The following PIEZO2 variants were observed in gnomAD, a reference collection of about 807,000 sequenced individuals.
PIEZO2 encodes piezo-type mechanosensitive ion channel component 2.
In PIEZO2, 172 loss-of-function variants were observed where a neutral mutation model predicts 337.3. That is an observed-to-expected ratio of 0.51 (90% confidence interval 0.45 to 0.58). The LOEUF (loss-of-function observed/expected upper bound fraction) is 0.58. Ranked by LOEUF, PIEZO2 falls within the 20% of genes least tolerant of loss-of-function variation. PIEZO2 has a pLI of 0.00. For missense variants in PIEZO2, 3,028 were observed against 3,391.3 expected (o/e 0.89, Z 2.66); for synonymous variants, 1,251 against 1,228.5 (o/e 1.02, Z -0.38).
chr18:10,883,816 C>CTTTTTTTTTTTTTTTTT (rs71169957), intron 4 of PIEZO2, among the ~76,000 whole-genome samples: 14 of 122,824 alleles, frequency 1.1e-4, no homozygotes, highest in African/African-American at 3.4e-4. Flanking sequence ...AGTCCTACTT[C>CTTTTTTTTTTTTTTTTT]TTTTTTTTTT....
At chr18:10,738,292 C>G (rs909471034) in intron 33 of PIEZO2, 1 of 152,088 alleles carries the variant, frequency 6.6e-6, no homozygotes, top group Non-Finnish European at 1.5e-5. Context: ...ATTATAAGAT[C>G]GAGAATTTTA....
chr18:10,798,286 GT>G (rs1445547000), intron 11 of PIEZO2, among the ~76,000 whole-genome samples: 1 of 152,216 alleles, frequency 6.6e-6, no homozygotes, highest in Non-Finnish European at 1.5e-5. Context: ...TGCCTTTCTT[GT>G]TCAAATCAAA....
intron 12 of PIEZO2, among the ~76,000 whole-genome samples, chr18:10,796,242 C>T (rs987692711): frequency 1.6e-4 from 25 of 151,788 alleles, no homozygotes; most frequent in Middle Eastern, 3.4e-3. Flanking sequence ...TGGTGGCAGG[C>T]GCCTGTAGTC....
intron 36 of PIEZO2, among the ~76,000 whole-genome samples, chr18:10,722,424 G>T (rs761560679): frequency 6.6e-6 from 1 of 151,778 alleles, no homozygotes; most frequent in East Asian, 1.9e-4. Context: ...TAGAGACAGG[G>T]TTTCACCATA....
intron 18 of PIEZO2, among the ~76,000 whole-genome samples, chr18:10,778,241 T>C (rs2038856232): frequency 6.6e-6 from 1 of 152,094 alleles, no homozygotes; most frequent in Non-Finnish European, 1.5e-5. Context: ...TCAGCCCTAC[T>C]CAACACTGCA....
chr18:10,805,500 G>C (rs1194835634), intron 8 of PIEZO2, among the ~76,000 whole-genome samples: 3 of 152,150 alleles, frequency 2.0e-5, no homozygotes, highest in Non-Finnish European at 4.4e-5. Flanking sequence ...TGGGCAACAA[G>C]AGTGAAACTC....
chr18:10,966,326 C>T (rs1362421137), intron 3 of PIEZO2, among the ~76,000 whole-genome samples: 6 of 152,184 alleles, frequency 3.9e-5, no homozygotes, highest in Non-Finnish European at 5.9e-5. Flanking sequence ...GCTACATCAT[C>T]GCCACCCTAG....
intron 12 of PIEZO2, among the ~76,000 whole-genome samples, chr18:10,796,213 A>AAAAAAT (rs1568067734): frequency 1.5e-4 from 22 of 151,658 alleles, no homozygotes; most frequent in Admixed American, 6.6e-5. Context: ...AAATAAAAAA[A>AAAAAAT]AAAAAAATTA....
At chr18:10,719,670 G>A (rs1423510283) in intron 36 of PIEZO2, among the ~76,000 whole-genome samples, 5 of 152,072 alleles carry the variant, frequency 3.3e-5, no homozygotes, top group Non-Finnish European at 7.4e-5. Flanking sequence ...TGTGAGTGCA[G>A]GTACCTTTTT....
chr18:10,886,147 A>T (rs1598629759), intron 4 of PIEZO2, among the ~76,000 whole-genome samples: 1 of 150,550 alleles, frequency 6.6e-6, no homozygotes, highest in East Asian at 2.0e-4. Context: ...GTCCATATTC[A>T]GGAAGTGTGT....
chr18:10,780,791 T>G (rs936043240), intron 17 of PIEZO2, among the ~76,000 whole-genome samples: 4 of 151,022 alleles, frequency 2.6e-5, no homozygotes, highest in Non-Finnish European at 5.9e-5. Flanking sequence ...GCCTCCCAAG[T>G]GGCTGGGATT....
chr18:11,096,861 T>C lies in PIEZO2; in HGVS notation c.65-30639A>G, dbSNP rs149788172. Among the ~76,000 whole-genome samples the C allele has an allele frequency of 1.0e-3, 158 of 151,868 alleles. No individual in the cohort carries two copies. Among genetic ancestry groups the C allele is most frequent in the African/African-American group, 3.7e-3 (153 of 41,354 alleles). On this transcript the variant is annotated intron_variant, in intron 1 of 55. Transcript: ENST00000674853. The surrounding 1 kb of genome is among the most constrained non-coding windows in gnomAD (Gnocchi z 4.6). ...GGGAACAACATGGACTTCAGGGGGG[T>C]GGTACCACAGTGGCAGAGAATCACC...
chr18:10,691,148 T>C (rs1396291142), intron 48 of PIEZO2, 77 bp downstream of exon 48: 7 of 1,491,890 alleles, frequency 4.7e-6, no homozygotes, highest in Non-Finnish European at 6.4e-6. Flanking sequence ...CCCCCTTACT[T>C]CCCAGTTGGG....
chr18:10,860,285 C>T (rs1357739543), intron 5 of PIEZO2, among the ~76,000 whole-genome samples: 1 of 152,174 alleles, frequency 6.6e-6, no homozygotes, highest in South Asian at 2.1e-4. Flanking sequence ...CCTAAGACCA[C>T]TCTGCCTTTC....
At chr18:10,690,281 A>T (rs2034753141) in intron 48 of PIEZO2, among the ~76,000 whole-genome samples, 1 of 152,160 alleles carries the variant, frequency 6.6e-6, no homozygotes, top group Non-Finnish European at 1.5e-5. Flanking sequence ...GACTTGCTGG[A>T]GTACCACAGT....
intron 3 of PIEZO2, among the ~76,000 whole-genome samples, chr18:10,928,740 G>C (rs2031906558): frequency 2.0e-5 from 3 of 152,176 alleles, no homozygotes; most frequent in Admixed American, 2.0e-4. Flanking sequence ...TAGTGACCTA[G>C]AGAGATTTGT....
chr18:11,049,892 T>A (rs932003423), intron 2 of PIEZO2, among the ~76,000 whole-genome samples: 3 of 152,002 alleles, frequency 2.0e-5, no homozygotes, highest in African/African-American at 7.3e-5. Flanking sequence ...GAAAACGGAG[T>A]AATACAAAAG....
Position 11,022,296 on chromosome 18 carries a change from G to GA in PIEZO2, c.161-42637dup, listed in dbSNP as rs1203554334. 4.6e-5 allele frequency among the ~76,000 whole-genome samples: 7 copies of GA among 151,246 alleles called. No individual in the cohort carries two copies. In the South Asian group the frequency reaches 8.4e-4, roughly 18 times the overall value. ...GGAAATTGCTTAGTTCTTGTTCTGA[G>GA]AAAAAAAAAGTGAACTCAAAATAAT... On this transcript the variant is annotated intron_variant, in intron 2 of 55. Transcript: ENST00000674853.
intron 2 of PIEZO2, among the ~76,000 whole-genome samples, chr18:11,039,631 T>C (rs2037043898): frequency 6.6e-6 from 1 of 152,152 alleles, no homozygotes; most frequent in South Asian, 2.1e-4. Context: ...TGAGGTTATA[T>C]AGGTCAATGG....
Sources: gnomAD v4.1 joint callset for allele counts (sites outside exome capture counted in the v4.1 genomes callset) on GRCh38, gnomAD v4.1.1 for gene constraint, Gnocchi (gnomAD v3.1) non-coding constraint, MANE v1.5 for transcripts, NCBI Gene and HGNC (gene_info 2026-07-23, HGNC 2026-07-21) for gene names.